The following CDH4 variants were observed in gnomAD, a reference collection of about 807,000 sequenced individuals.
CDH4 encodes cadherin-4.
Under a neutral mutation model 86.0 loss-of-function variants are expected in CDH4, and 33 were observed. The ratio of observed to expected loss-of-function variants is 0.38; its 90% CI spans 0.29 to 0.51. The LOEUF (loss-of-function observed/expected upper bound fraction) is 0.51. CDH4 is among the 20% of genes least tolerant of loss of function. The pLI, the probability that CDH4 is intolerant of heterozygous loss-of-function variation, is 0.86. For missense variants in CDH4, 1,114 were observed against 1,307.4 expected (o/e 0.85, Z 2.28); for synonymous variants, 555 against 549.4 (o/e 1.01, Z -0.14).
intron 2 of CDH4, among the ~76,000 whole-genome samples, chr20:61,274,569 C>T (rs1266148244): frequency 8.4e-6 from 1 of 119,726 alleles, no homozygotes; most frequent in South Asian, 2.8e-4. Context: ...GAGTACCGTG[C>T]ACAGCTTGGG....
In CDH4 at chr20:61,635,733, G is replaced by A. The variant is rs561704933; in HGVS notation, c.170-107830G>A. On this transcript the variant is annotated intron_variant, in intron 2 of 15. Coordinates refer to ENST00000614565, the MANE Select transcript of CDH4 (RefSeq NM_001794.5). ...GATTCTCTGGGGGCTGACCAGTTTT[G>A]CACACACTTGCCACCCACTTCTGCC... Among the ~76,000 whole-genome samples, 180 of 152,298 alleles carry A rather than the reference G, an allele frequency of 1.2e-3. 1 individual carries two copies. The highest frequency in any genetic ancestry group is 4.0e-3 in the African/African-American group (167 of 41,554).
At chr20:61,923,885 A>C (rs762990174) in intron 10 of CDH4, among the ~76,000 whole-genome samples, 181 bp downstream of exon 10, 1 of 152,204 alleles carries the variant, frequency 6.6e-6, no homozygotes, top group Non-Finnish European at 1.5e-5. Flanking sequence ...AGATAGCCAG[A>C]TGCAGCCCCT....
rs546310715 is a variant in CDH4 at position 61,873,683 on chromosome 20, C to T, written c.878-45C>T. On this transcript the variant is annotated intron_variant, in intron 6 of 15. Transcript: ENST00000614565. Reference sequence around the variant, plus strand: ...CCCAGGTGTGTGCGGGGGTGGCAGCCTGTGTGGCAGGCCATCCCCATCTGA... The same window carrying T: ...CCCAGGTGTGTGCGGGGGTGGCAGCTTGTGTGGCAGGCCATCCCCATCTGA... The T allele has an allele frequency of 3.8e-6, 6 of 1,591,552 alleles. No homozygotes were observed. The African/African-American group carries it at 8.0e-5, about 21-fold the overall frequency.
chr20:61,648,611 A>G (rs923232538), intron 2 of CDH4, among the ~76,000 whole-genome samples: 23 of 152,208 alleles, frequency 1.5e-4, no homozygotes, highest in Admixed American at 1.5e-3. Context: ...AGAGTCTCTC[A>G]TCATTCCTTT....
intron 4 of CDH4, among the ~76,000 whole-genome samples, chr20:61,838,319 G>A (rs772011244): frequency 3.9e-5 from 6 of 152,110 alleles, no homozygotes; most frequent in Non-Finnish European, 7.4e-5. Context: ...GGCAGGAGGT[G>A]GGGAGGTAGG....
Position 61,639,959 on chromosome 20 carries a change from C to T in CDH4, c.170-103604C>T, listed in dbSNP as rs556371801. 3.2e-3 allele frequency among the ~76,000 whole-genome samples: 492 copies of T among 152,218 alleles called. 1 individual carries two copies. Among genetic ancestry groups the T allele is most frequent in the Non-Finnish European group, 4.6e-3 (314 of 68,034 alleles). On this transcript the variant is annotated intron_variant, in intron 2 of 15. Coordinates refer to ENST00000614565, the MANE Select transcript of CDH4 (RefSeq NM_001794.5). Reference sequence around the variant, plus strand: ...CCCAGCTCGGCTTCGTCATAATTGCCTTCTGTTCAGTTTTGAAGTAATTAC... The same window carrying T: ...CCCAGCTCGGCTTCGTCATAATTGCTTTCTGTTCAGTTTTGAAGTAATTAC...
intron 2 of CDH4, among the ~76,000 whole-genome samples, chr20:61,398,899 A>G (rs963516163): frequency 6.6e-6 from 1 of 152,224 alleles, no homozygotes; most frequent in East Asian, 1.9e-4. Flanking sequence ...CCCCGGCCAC[A>G]GCCCAGTCCT....
rs1406295334 is a variant in CDH4 at position 61,582,353 on chromosome 20, G to A, written c.170-161210G>A. On this transcript the variant is annotated intron_variant, in intron 2 of 15. Transcript: ENST00000614565. The surrounding 1 kb of genome is among the most constrained non-coding windows in gnomAD (Gnocchi z 4.2). The stretch of plus-strand genomic sequence containing the variant: ...CTCTCCTCCTTATTGTTCAAGCGCA[G>A]TGAAAAAGGCAGCGTGAGCCCTGGG... 2.6e-5 allele frequency among the ~76,000 whole-genome samples: 4 copies of A among 152,184 alleles called. No homozygotes were observed. Among genetic ancestry groups the A allele is most frequent in the Non-Finnish European group, 5.9e-5 (4 of 68,026 alleles).
chr20:61,728,123 G>A (rs1244877887), intron 2 of CDH4, among the ~76,000 whole-genome samples: 2 of 151,786 alleles, frequency 1.3e-5, no homozygotes, highest in African/African-American at 2.4e-5. Context: ...AGAGACCTCA[G>A]CACACCTTTT....
chr20:61,341,738 A>G (rs1600882703), intron 2 of CDH4, among the ~76,000 whole-genome samples: 1 of 152,284 alleles, frequency 6.6e-6, no homozygotes, highest in South Asian at 2.1e-4. Context: ...AGAAGGTCTC[A>G]TGAGCCCATC....
At chr20:61,801,918 T>C (rs903350379) in intron 4 of CDH4, among the ~76,000 whole-genome samples, 2 of 152,252 alleles carry the variant, frequency 1.3e-5, no homozygotes, top group African/African-American at 4.8e-5. Flanking sequence ...TCTTTTGCCA[T>C]GGAAGGTGGC....
intron 2 of CDH4, among the ~76,000 whole-genome samples, chr20:61,375,644 T>A (rs2145439168): frequency 1.3e-5 from 2 of 149,390 alleles, no homozygotes; most frequent in South Asian, 4.2e-4. Context: ...GGTAGTGTGA[T>A]GATCTTGGTG....
At chr20:61,776,223 A>C (rs1456156424) in intron 4 of CDH4, among the ~76,000 whole-genome samples, 3 of 152,230 alleles carry the variant, frequency 2.0e-5, no homozygotes, top group Non-Finnish European at 4.4e-5. Context: ...AATTTGCAGC[A>C]GGGAAATATG....
At chr20:61,358,418 A>G (rs1484461200) in intron 2 of CDH4, among the ~76,000 whole-genome samples, 2 of 152,216 alleles carry the variant, frequency 1.3e-5, no homozygotes. Flanking sequence ...TTTCTTTGCC[A>G]TATCCCCAAT....
intron 2 of CDH4, among the ~76,000 whole-genome samples, chr20:61,658,212 C>T (rs1432598613): frequency 2.6e-5 from 4 of 152,114 alleles, no homozygotes; most frequent in East Asian, 1.9e-4. Context: ...GAGCCATCCT[C>T]CCTTCCAAGT....
At chr20:61,367,904 T>C (rs984750130) in intron 2 of CDH4, among the ~76,000 whole-genome samples, 2 of 141,014 alleles carry the variant, frequency 1.4e-5, no homozygotes, top group African/African-American at 5.4e-5. Context: ...GGAATCTTGC[T>C]CTGTCGCCCA....
intron 2 of CDH4, among the ~76,000 whole-genome samples, chr20:61,498,697 T>C (rs1480570527): frequency 6.6e-6 from 1 of 152,020 alleles, no homozygotes; most frequent in East Asian, 1.9e-4. Flanking sequence ...TGGGCCACAT[T>C]GGAAGAGGAA....
At chr20:61,580,808 G>A (rs1007446566) in intron 2 of CDH4, among the ~76,000 whole-genome samples, 3 of 152,172 alleles carry the variant, frequency 2.0e-5, no homozygotes, top group African/African-American at 7.2e-5. Context: ...AAAGTGGGCC[G>A]ACCCCAGTCC....
chr20:61,750,796 G>A (rs1017009471), intron 3 of CDH4, among the ~76,000 whole-genome samples: 3 of 152,152 alleles, frequency 2.0e-5, no homozygotes, highest in Admixed American at 2.0e-4. Flanking sequence ...GGTTAGCAAG[G>A]GTGCTGGATG....
Sources: gnomAD v4.1 joint callset for allele counts (sites outside exome capture counted in the v4.1 genomes callset) on GRCh38, gnomAD v4.1.1 for gene constraint, Gnocchi (gnomAD v3.1) non-coding constraint, MANE v1.5 for transcripts, NCBI Gene and HGNC (gene_info 2026-07-23, HGNC 2026-07-21) for gene names.